Variants in TFAP2B observed in about 807,000 individuals in gnomAD.
The protein encoded by TFAP2B is transcription factor AP-2-beta.
In TFAP2B, 9 loss-of-function variants were observed where a neutral mutation model predicts 44.3. The ratio of observed to expected loss-of-function variants is 0.20; its 90% CI spans 0.12 to 0.35. The LOEUF (loss-of-function observed/expected upper bound fraction) is 0.35, where lower values mean the gene tolerates loss of function less well. Among genes scored for constraint, TFAP2B ranks in the 10% least tolerant of loss-of-function variants. TFAP2B has a pLI of 1.00. For synonymous variants in TFAP2B, 270 were observed against 263.8 expected (o/e 1.02, Z -0.23); for missense variants, 509 against 600.0 (o/e 0.85, Z 1.59).
Position 50,823,871 on chromosome 6 carries a change from CACAA to C in TFAP2B, c.540+28_540+31del, listed in dbSNP as rs368226832. On this transcript the variant is annotated splice_region_variant and intron_variant, in intron 2 of 6. Transcript: ENST00000393655. ...CCGGAATGGAAGACGTCCAGGTAAC[CACAA>C]ACAAACAAACAAACAAACAAAAAAG... The C allele has an allele frequency of 0.38, 582,871 of 1,537,964 alleles. 116,547 individuals carry two copies. The highest frequency in any genetic ancestry group is 0.74 in the African/African-American group (53,638 of 72,366).
intron 2 of TFAP2B, among the ~76,000 whole-genome samples, chr6:50,826,390 G>A (rs1161947745): frequency 6.6e-6 from 1 of 152,160 alleles, no homozygotes; most frequent in East Asian, 1.9e-4. Flanking sequence ...CAGGGCCACA[G>A]CCCCCACCAT....
chr6:50,830,458 A>G (rs1000363989), intron 3 of TFAP2B: 1 of 278,006 alleles, frequency 3.6e-6, no homozygotes, highest in Admixed American at 6.5e-5. Flanking sequence ...AAAGAGAATA[A>G]TGACTAAAGT....
At chr6:50,818,521 G>A (rs1183998586), upstream of TFAP2B, among the ~76,000 whole-genome samples, 2 of 152,148 alleles carry the variant, frequency 1.3e-5, no homozygotes, top group Non-Finnish European at 2.9e-5. Flanking sequence ...TGTCATTTTC[G>A]ATATAGAAGT....
chr6:50,823,577 C>T lies in TFAP2B; in HGVS notation c.252C>T (p.Asp84=), dbSNP rs75279409. The T allele has an allele frequency of 2.3e-3, 3,731 of 1,614,058 alleles. 62 individuals are homozygous for T. The African/African-American group carries it at 0.041, about 18-fold the overall frequency. ...CGCTCCCCTACCACCAGAGCCAGGACCCCTACTCCCACGTCAACGACCCCT... is the reference window on the plus strand; with the variant it reads ...CGCTCCCCTACCACCAGAGCCAGGATCCCTACTCCCACGTCAACGACCCCT... ...YQPLPYHQSQ[D]PYSHVNDPYS... Residue 84 remains aspartate, a synonymous_variant, in exon 2 of 7, where the codon GAC becomes GAT. Coordinates refer to ENST00000393655, the MANE Select transcript of TFAP2B (RefSeq NM_003221.4).
In TFAP2B at chr6:50,838,075, C is replaced by G; in HGVS notation, c.922C>G (p.Leu308Val). The change falls in exon 5 of 7, where the codon CTC (leucine) becomes GTC (valine). Residue 308 changes from leucine to valine, a missense_variant. This residue lies in a region of TFAP2B where 45 missense variants were observed against 108.6 expected (regional missense o/e 0.41). Transcript: ENST00000393655. ...GRRKAANVTL[L>V]TSLVEGEAVH... ...GCGCAAAGCAGCAAATGTCACGTTA[C>G]TCACCTCCCTGGTGGAAGGTAAGCA... 2 of 1,614,056 alleles carry G rather than the reference C, an allele frequency of 1.2e-6. No individual in the cohort carries two copies. Among genetic ancestry groups the G allele is most frequent in the South Asian group, 1.1e-5 (1 of 91,080 alleles).
chr6:50,828,404 A>G (rs1281618284), intron 2 of TFAP2B, among the ~76,000 whole-genome samples: 1 of 152,240 alleles, frequency 6.6e-6, no homozygotes, highest in East Asian at 1.9e-4. Context: ...GATGTCTCTC[A>G]AAGTTTTCTT....
Position 50,843,312 on chromosome 6 carries a change from A to G in TFAP2B, c.1303A>G (p.Asn435Asp). The G allele has an allele frequency of 6.2e-7, 1 of 1,614,212 alleles. No homozygotes were observed. Among genetic ancestry groups the G allele is most frequent in the Non-Finnish European group, 8.5e-7 (1 of 1,180,050 alleles). ...LKGMDKMFLN[N>D]TTTNRHTSGE... ...AGGCATGGACAAGATGTTCTTGAAC[A>G]ACACCACCACTAACAGGCACACGTC... Residue 435 changes from asparagine to aspartate, a missense_variant, in exon 7 of 7, where the codon AAC becomes GAC. This residue lies in a region of TFAP2B where 168 missense variants were observed against 183.2 expected (regional missense o/e 0.92). Transcript: ENST00000393655.
chr6:50,822,220 T>C (rs1770372224), intron 1 of TFAP2B: 4 of 1,237,214 alleles, frequency 3.2e-6, no homozygotes, highest in Non-Finnish European at 3.2e-6. Context: ...TGTCTCTCTG[T>C]CTCTGCGTCT....
At chr6:50,837,513 T>C (rs1581826449) in intron 4 of TFAP2B, among the ~76,000 whole-genome samples, 1 of 152,294 alleles carries the variant, frequency 6.6e-6, no homozygotes, top group Non-Finnish European at 1.5e-5. Context: ...TAACACCATA[T>C]ACAGCAACTC....
At chr6:50,832,077 AG>A (rs1312103062) in intron 3 of TFAP2B, among the ~76,000 whole-genome samples, 23 of 152,232 alleles carry the variant, frequency 1.5e-4, no homozygotes, top group Non-Finnish European at 3.2e-4. Context: ...CTTCTGACCT[AG>A]AAGGTAAAAT....
At chr6:50,842,833 G>A (rs984561776) in intron 6 of TFAP2B, among the ~76,000 whole-genome samples, 1 of 152,252 alleles carries the variant, frequency 6.6e-6, no homozygotes, top group Non-Finnish European at 1.5e-5. Flanking sequence ...GTCCTGGAAT[G>A]GAGGGGAGAA....
In TFAP2B at chr6:50,843,324, A is replaced by G. The variant is rs770846898; in HGVS notation, c.1315A>G (p.Asn439Asp). ...DKMFLNNTTT[N>D]RHTSGEGPGS... ...GATGTTCTTGAACAACACCACCACT[A>G]ACAGGCACACGTCTGGGGAAGGCCC... Residue 439 changes from asparagine to aspartate, a missense_variant, in exon 7 of 7, where the codon AAC becomes GAC. By Grantham distance (23) the Asn-to-Asp change is conservative. Coordinates refer to ENST00000393655, the MANE Select transcript of TFAP2B (RefSeq NM_003221.4). The G allele has an allele frequency of 4.3e-6, 7 of 1,614,170 alleles. No homozygotes were observed. The highest frequency in any genetic ancestry group is 5.9e-6 in the Non-Finnish European group (7 of 1,180,038).
chr6:50,824,030 A>C (rs1016757676), intron 2 of TFAP2B, among the ~76,000 whole-genome samples, 165 bp downstream of exon 2: 6 of 152,222 alleles, frequency 3.9e-5, no homozygotes, highest in African/African-American at 1.4e-4. Context: ...GTGTGTCTGT[A>C]TGTATGGCTC....
rs143505090 is a variant in TFAP2B, at chr6:50,837,534, C to T, written c.822-441C>T. Among the ~76,000 whole-genome samples, 388 of 152,284 alleles carry T rather than the reference C, an allele frequency of 2.5e-3. 1 individual carries two copies. The highest frequency in any genetic ancestry group is 0.017 in the Middle Eastern group (5 of 294). ...CATATACAGCAACTCTTGACCCCTT[C>T]CTCACAAAGCCCACCTGTTGCAGCA... On this transcript the variant is annotated intron_variant, in intron 4 of 6. Coordinates refer to ENST00000393655, the MANE Select transcript of TFAP2B (RefSeq NM_003221.4).
chr6:50,827,872 A>G (rs2857493), intron 2 of TFAP2B, among the ~76,000 whole-genome samples: 1 of 152,246 alleles, frequency 6.6e-6, no homozygotes, highest in African/African-American at 2.4e-5. Context: ...ACTGTGGCAC[A>G]GAAGATGAAC....
intron 6 of TFAP2B, among the ~76,000 whole-genome samples, chr6:50,842,774 A>C (rs1016027676): frequency 6.6e-6 from 1 of 152,216 alleles, no homozygotes; most frequent in African/African-American, 2.4e-5. Context: ...ATGAAGTATT[A>C]AAAATCAACT....
At chr6:50,825,924 C>T (rs1488647928) in intron 2 of TFAP2B, among the ~76,000 whole-genome samples, 5 of 152,184 alleles carry the variant, frequency 3.3e-5, no homozygotes, top group Admixed American at 1.3e-4. Flanking sequence ...AAGACAGGGA[C>T]GGTCTCTGCC....
At chr6:50,830,993 A>C (rs1179927499) in intron 3 of TFAP2B, among the ~76,000 whole-genome samples, 2 of 152,188 alleles carry the variant, frequency 1.3e-5, no homozygotes, top group East Asian at 3.9e-4. Flanking sequence ...ACAGATTGGC[A>C]AGTGGTCTAG....
At chr6:50,838,199 G>T in intron 5 of TFAP2B, 106 bp downstream of exon 5, 1 of 987,142 alleles carries the variant, frequency 1.0e-6, no homozygotes, top group Non-Finnish European at 1.6e-6. Context: ...TGTGATTGTT[G>T]TGCTCTTATG....
Sources: gnomAD v4.1 joint callset for allele counts (sites outside exome capture counted in the v4.1 genomes callset) on GRCh38, gnomAD v4.1.1 for gene constraint, gnomAD v4.1.1 regional missense constraint, MANE v1.5 for transcripts, NCBI Gene and HGNC (gene_info 2026-07-23, HGNC 2026-07-21) for gene names.